CTIF: variants seen among roughly 807,000 people sequenced by gnomAD.
CTIF encodes CBP80/20-dependent translation initiation factor.
CTIF carries 21 observed loss-of-function variants against 66.0 expected under a neutral mutation model. The ratio of observed to expected loss-of-function variants is 0.32; its 90% CI spans 0.23 to 0.46. CTIF has a LOEUF of 0.46. Ranked by LOEUF, CTIF falls within the 20% of genes least tolerant of loss-of-function variation. CTIF has a pLI of 1.00. For missense variants in CTIF, 739 were observed against 812.7 expected (o/e 0.91, Z 1.10); for synonymous variants, 345 against 326.4 (o/e 1.06, Z -0.62).
intron 9 of CTIF, among the ~76,000 whole-genome samples, chr18:48,807,949 C>G (rs535418901): frequency 1.6e-4 from 25 of 152,138 alleles, no homozygotes; most frequent in East Asian, 1.2e-3. Context: ...TTGTTGGGTG[C>G]TTAGGTTTTT....
chr18:48,805,561 T>A (rs1180709061), intron 9 of CTIF, among the ~76,000 whole-genome samples: 1 of 152,026 alleles, frequency 6.6e-6, no homozygotes, highest in Non-Finnish European at 1.5e-5. Context: ...CTCTGCGGAA[T>A]GTCGTGGCCT....
intron 1 of CTIF, among the ~76,000 whole-genome samples, chr18:48,549,997 T>C (rs1438907017): frequency 6.6e-6 from 1 of 152,222 alleles, no homozygotes; most frequent in Admixed American, 6.5e-5. Flanking sequence ...TTTGTTTTTT[T>C]AAAATCTCAC....
At chr18:48,671,040 G>A (rs887379566) in intron 6 of CTIF, among the ~76,000 whole-genome samples, 7 of 152,186 alleles carry the variant, frequency 4.6e-5, no homozygotes, top group Non-Finnish European at 1.0e-4. Context: ...GGAAGTTTTT[G>A]TCCCTTGGCC....
chr18:48,706,713 A>C (rs1283585335), intron 6 of CTIF, among the ~76,000 whole-genome samples: 6 of 152,040 alleles, frequency 3.9e-5, no homozygotes, highest in Admixed American at 3.9e-4. Flanking sequence ...TTGCAACCAG[A>C]GCAATAACAT....
At chr18:48,629,148 C>T (rs1020975107) in intron 2 of CTIF, among the ~76,000 whole-genome samples, 1 of 152,138 alleles carries the variant, frequency 6.6e-6, no homozygotes, top group Non-Finnish European at 1.5e-5. Flanking sequence ...CCCCACCTGG[C>T]ACAGGTTTTA....
At chr18:48,627,259 A>G (rs2090620509) in intron 2 of CTIF, among the ~76,000 whole-genome samples, 1 of 152,204 alleles carries the variant, frequency 6.6e-6, no homozygotes. Flanking sequence ...ACATTTATTC[A>G]TTCAGGCTCT....
At position 48,795,166 on chromosome 18, in the gene CTIF, T is replaced by A. The variant is rs557005154; in HGVS notation, c.1372-22055T>A. Among the ~76,000 whole-genome samples the A allele has an allele frequency of 3.9e-5, 6 of 152,298 alleles. No individual in the cohort carries two copies. The South Asian group carries it at 1.2e-3, about 32-fold the overall frequency. On this transcript the variant is annotated intron_variant, in intron 9 of 11. Transcript: ENST00000256413. Reference sequence around the variant, plus strand: ...ATCCTTGGCTGGCAAGCTTACCTTTTACTTGAAGGATACTGTGTCAAACCA... The same window carrying A: ...ATCCTTGGCTGGCAAGCTTACCTTTAACTTGAAGGATACTGTGTCAAACCA...
At chr18:48,586,250 G>A (rs1456524917) in intron 1 of CTIF, among the ~76,000 whole-genome samples, 1 of 151,702 alleles carries the variant, frequency 6.6e-6, no homozygotes, top group Non-Finnish European at 1.5e-5. Context: ...CAACAATGGC[G>A]ATCAGCATTC....
intron 7 of CTIF, among the ~76,000 whole-genome samples, chr18:48,721,616 A>T (rs137990976): frequency 1.8e-4 from 27 of 152,296 alleles, no homozygotes; most frequent in African/African-American, 4.8e-4. Flanking sequence ...GGCCCTGGAC[A>T]AACCATTCTT....
At chr18:48,588,493 A>G (rs1375759992) in intron 1 of CTIF, among the ~76,000 whole-genome samples, 2 of 152,114 alleles carry the variant, frequency 1.3e-5, no homozygotes, top group Non-Finnish European at 2.9e-5. Context: ...GTGGTCCCAA[A>G]TCTAGCTCGC....
Position 48,766,182 on chromosome 18 carries a change from C to T in CTIF, c.1371+4493C>T, listed in dbSNP as rs565696568. ...TTTATTAGGTCAGGGGTTCTCAAAC[C>T]GGAATGTGCATATGAATCACGTGGG... On this transcript the variant is annotated intron_variant, in intron 9 of 11. Coordinates refer to ENST00000256413, the MANE Select transcript of CTIF (RefSeq NM_014772.3). 3.1e-4 allele frequency among the ~76,000 whole-genome samples: 46 copies of T among 147,320 alleles called. 1 individual carries two copies. In the South Asian group the frequency reaches 7.3e-3, roughly 23 times the overall value.
chr18:48,822,282 A>C (rs2068499513), intron 10 of CTIF, among the ~76,000 whole-genome samples: 1 of 152,152 alleles, frequency 6.6e-6, no homozygotes, highest in South Asian at 2.1e-4. Flanking sequence ...AGAATGTGTA[A>C]TGATCAGGTC....
At chr18:48,797,445 T>C (rs2067947413) in intron 9 of CTIF, among the ~76,000 whole-genome samples, 1 of 144,758 alleles carries the variant, frequency 6.9e-6, no homozygotes, top group South Asian at 2.2e-4. Flanking sequence ...ATCGCACCAC[T>C]GCATTCCAGC....
At position 48,790,021 on chromosome 18, in the gene CTIF, T is replaced by A. The variant is rs79392898; in HGVS notation, c.1372-27200T>A. 4.0e-3 allele frequency among the ~76,000 whole-genome samples: 615 copies of A among 152,330 alleles called. 6 individuals carry two copies. The highest frequency in any genetic ancestry group is 0.014 in the African/African-American group (595 of 41,576). ...ATCTATAAAATGGGATGATCACAGC[T>A]TCATTGCCATGGGGCCATTGTGAAG... is the stretch of plus-strand genomic sequence containing the variant. On this transcript the variant is annotated intron_variant, in intron 9 of 11. Coordinates refer to ENST00000256413, the MANE Select transcript of CTIF (RefSeq NM_014772.3).
chr18:48,610,857 G>C (rs1205627678), intron 1 of CTIF, among the ~76,000 whole-genome samples: 1 of 152,228 alleles, frequency 6.6e-6, no homozygotes, highest in Non-Finnish European at 1.5e-5. Context: ...CAGGGTGGGG[G>C]CTCAGGAGGG....
At chr18:48,602,426 C>T (rs993665470) in intron 1 of CTIF, among the ~76,000 whole-genome samples, 5 of 152,100 alleles carry the variant, frequency 3.3e-5, no homozygotes, top group African/African-American at 1.2e-4. Flanking sequence ...GTGAGGCCTG[C>T]GTGAGCAATT....
At chr18:48,751,553 G>A (rs1384937731) in intron 7 of CTIF, among the ~76,000 whole-genome samples, 1 of 152,222 alleles carries the variant, frequency 6.6e-6, no homozygotes. Flanking sequence ...TCTGAAGGAA[G>A]TGGATGCTTT....
At chr18:48,788,989 A>T (rs1022620630) in intron 9 of CTIF, among the ~76,000 whole-genome samples, 1 of 152,060 alleles carries the variant, frequency 6.6e-6, no homozygotes, top group African/African-American at 2.4e-5. Flanking sequence ...CCCTGGGCAG[A>T]CTCAGGAGGA....
intron 7 of CTIF, among the ~76,000 whole-genome samples, chr18:48,733,139 G>A (rs1404634710): frequency 6.6e-6 from 1 of 152,140 alleles, no homozygotes. Flanking sequence ...AAGCGTAGCT[G>A]CCCTGGGGAG....
Sources: gnomAD v4.1 joint callset for allele counts (sites outside exome capture counted in the v4.1 genomes callset) on GRCh38, gnomAD v4.1.1 for gene constraint, MANE v1.5 for transcripts, NCBI Gene and HGNC (gene_info 2026-07-23, HGNC 2026-07-21) for gene names.